Variants in SLC2A12 observed in about 807,000 individuals in gnomAD.
The protein encoded by SLC2A12 is solute carrier family 2 member 12, also known as solute carrier family 2, facilitated glucose transporter member 12.
A neutral mutation model predicts 41.8 loss-of-function variants in SLC2A12; 23 were observed. That is an observed-to-expected ratio of 0.55 (90% CI 0.40 to 0.78). The LOEUF (loss-of-function observed/expected upper bound fraction) is 0.78, where lower values mean the gene tolerates loss of function less well. Ranked by LOEUF, SLC2A12 falls within the 30% of genes least tolerant of loss-of-function variation. The pLI is 0.00. For missense variants in SLC2A12, 654 were observed against 745.6 expected, an observed-to-expected ratio of 0.88 and a Z score of 1.43; for synonymous variants, 295 against 285.9, an observed-to-expected ratio of 1.03 and a Z score of -0.32.
Position 133,987,850 on chromosome 6 carries a change from G to A in SLC2A12, c.*3305C>T, listed in dbSNP as rs544713083. On this transcript the variant is annotated 3_prime_UTR_variant, in exon 5 of 5. Coordinates refer to ENST00000275230, the MANE Select transcript of SLC2A12 (RefSeq NM_145176.3). ...TATGATAGAAAATGTTAAATAACTTGTAAAGGTTAAGAAATTGTAGTTTTA... is the reference window on the plus strand; with the variant it reads ...TATGATAGAAAATGTTAAATAACTTATAAAGGTTAAGAAATTGTAGTTTTA... 4 of 152,394 alleles carry A rather than the reference G, an allele frequency of 2.6e-5. No homozygotes were observed. The highest frequency in any genetic ancestry group is 1.3e-4 in the Admixed American group (2 of 15,232). 9.4% of individuals were successfully genotyped at this position (152,394 alleles called of 1,614,324 possible). A position where few individuals can be genotyped will look rare whatever the true frequency, so the allele number is the denominator to read the frequency against.
chr6:134,039,417 C>G (rs1224166061), intron 1 of SLC2A12, among the ~76,000 whole-genome samples: 2 of 152,184 alleles, frequency 1.3e-5, no homozygotes, highest in Non-Finnish European at 2.9e-5. Flanking sequence ...TCTTAAAAAA[C>G]TATATTGAGA....
At chr6:134,010,348 A>G (rs1776864045) in intron 2 of SLC2A12, among the ~76,000 whole-genome samples, 1 of 152,204 alleles carries the variant, frequency 6.6e-6, no homozygotes, top group Non-Finnish European at 1.5e-5. Flanking sequence ...TACCCCGATG[A>G]CAGGCCAAAA....
rs1417046184 is a variant in SLC2A12 at position 134,020,607 on chromosome 6, G to GA, written c.1444+7773dup. ...GATGTAAAGGATTGACTCTTAGCAA[G>GA]AAAAAAAATGGAGAATTATTTGGGT... On this transcript the variant is annotated intron_variant, in intron 2 of 4. Coordinates refer to ENST00000275230, the MANE Select transcript of SLC2A12 (RefSeq NM_145176.3). Among the ~76,000 whole-genome samples the GA allele has an allele frequency of 3.9e-5, 6 of 152,050 alleles. No homozygotes were observed. The South Asian group carries it at 1.2e-3, about 32-fold the overall frequency.
intron 1 of SLC2A12, among the ~76,000 whole-genome samples, chr6:134,040,344 G>A (rs1777366106): frequency 2.0e-5 from 3 of 152,124 alleles, no homozygotes; most frequent in Admixed American, 6.6e-5. Context: ...CTCCCAAAGT[G>A]CTGGGATTAC....
chr6:134,031,266 C>G (rs1777202560), intron 1 of SLC2A12, among the ~76,000 whole-genome samples: 1 of 152,036 alleles, frequency 6.6e-6, no homozygotes, highest in Admixed American at 6.6e-5. Context: ...TGGTTCATGC[C>G]TTGTAGTCCC....
chr6:134,029,825 G>T, intron 1 of SLC2A12, 104 bp from the exon 2 acceptor site: 1 of 1,351,680 alleles, frequency 7.4e-7, no homozygotes, highest in South Asian at 1.5e-5. Flanking sequence ...TCATAGCACT[G>T]GGTTTAAACG....
chr6:134,006,524 G>A (rs1448118304), intron 3 of SLC2A12, among the ~76,000 whole-genome samples: 2 of 152,154 alleles, frequency 1.3e-5, no homozygotes, highest in Non-Finnish European at 2.9e-5. Flanking sequence ...TGACATTGTA[G>A]TTATATGTTT....
intron 2 of SLC2A12, among the ~76,000 whole-genome samples, chr6:134,017,808 C>G (rs1232199600): frequency 1.3e-5 from 2 of 151,140 alleles, no homozygotes; most frequent in African/African-American, 4.9e-5. Flanking sequence ...GAGCCGAGAT[C>G]GCGCCACTGC....
intron 2 of SLC2A12, among the ~76,000 whole-genome samples, chr6:134,020,853 A>G (rs980489158): frequency 3.9e-5 from 6 of 152,148 alleles, no homozygotes; most frequent in African/African-American, 1.4e-4. Context: ...CAACCCTGAG[A>G]TTCTCCAACT....
At chr6:134,039,169 A>G (rs1018769779) in intron 1 of SLC2A12, among the ~76,000 whole-genome samples, 1 of 152,146 alleles carries the variant, frequency 6.6e-6, no homozygotes, top group Non-Finnish European at 1.5e-5. Context: ...TTAGTTTAAT[A>G]TATTCATTTC....
chr6:134,008,139 G>A (rs1776836965), intron 2 of SLC2A12, among the ~76,000 whole-genome samples: 1 of 152,186 alleles, frequency 6.6e-6, no homozygotes, highest in African/African-American at 2.4e-5. Flanking sequence ...AAGAGGGGAT[G>A]GGAAGAAGAA....
At chr6:134,026,290 A>G (rs1171710891) in intron 2 of SLC2A12, among the ~76,000 whole-genome samples, 1 of 152,224 alleles carries the variant, frequency 6.6e-6, no homozygotes, top group Admixed American at 6.5e-5. Context: ...GAAGAAACCA[A>G]TGGAACAGTA....
intron 2 of SLC2A12, among the ~76,000 whole-genome samples, chr6:134,008,343 G>A (rs1330787502): frequency 6.6e-6 from 1 of 152,144 alleles, no homozygotes; most frequent in Non-Finnish European, 1.5e-5. Context: ...CAGAAGACTG[G>A]AAAAAATCTA....
chr6:134,006,177 A>G (rs1487718299), intron 3 of SLC2A12, among the ~76,000 whole-genome samples: 3 of 107,980 alleles, frequency 2.8e-5, no homozygotes, highest in East Asian at 3.6e-4. Flanking sequence ...AGACTATCGG[A>G]AAAAAAAAAA....
chr6:134,027,295 C>G (rs577910252), intron 2 of SLC2A12, among the ~76,000 whole-genome samples: 1 of 152,216 alleles, frequency 6.6e-6, no homozygotes, highest in Non-Finnish European at 1.5e-5. Context: ...GAAACCCTGT[C>G]CAGTACCTAG....
chr6:134,030,626 G>A (rs552046264), intron 1 of SLC2A12, among the ~76,000 whole-genome samples: 1 of 152,188 alleles, frequency 6.6e-6, no homozygotes, highest in African/African-American at 2.4e-5. Flanking sequence ...AGAGGGAAGA[G>A]TATTTCAGGC....
intron 4 of SLC2A12, among the ~76,000 whole-genome samples, chr6:133,993,601 T>C (rs1468912747): frequency 6.6e-6 from 1 of 152,222 alleles, no homozygotes; most frequent in African/African-American, 2.4e-5. Flanking sequence ...AATTTAAATA[T>C]AGCAGGAAGA....
At chr6:134,041,829 T>C (rs766268278) in intron 1 of SLC2A12, among the ~76,000 whole-genome samples, 6 of 152,088 alleles carry the variant, frequency 3.9e-5, no homozygotes, top group Non-Finnish European at 5.9e-5. Flanking sequence ...CTTTCGATGA[T>C]AGATGGTAAA....
chr6:134,049,262 G>C (rs1480499563), intron 1 of SLC2A12, among the ~76,000 whole-genome samples: 1 of 152,216 alleles, frequency 6.6e-6, no homozygotes, highest in Non-Finnish European at 1.5e-5. Context: ...CCCAGTGCCA[G>C]AGAGTTCTGC....
Sources: allele counts gnomAD v4.1 joint callset (sites outside exome capture counted in the v4.1 genomes callset), GRCh38; gene constraint gnomAD v4.1.1; transcripts MANE v1.5; gene names NCBI Gene and HGNC (gene_info 2026-07-23, HGNC 2026-07-21).